The following GSDME variants were observed in gnomAD, a reference collection of about 807,000 sequenced individuals.
The protein encoded by GSDME is gasdermin E.
Under a neutral mutation model 47.5 loss-of-function variants are expected in GSDME, and 44 were observed. The ratio of observed to expected loss-of-function variants is 0.93; its 90% CI spans 0.73 to 1.19. GSDME has a LOEUF of 1.19. Among genes scored for constraint, GSDME ranks in the 50% most tolerant of loss-of-function variants. GSDME has a pLI of 0.00. For missense variants in GSDME, 663 were observed against 604.2 expected (o/e 1.10, Z -1.02); for synonymous variants, 258 against 252.8 (o/e 1.02, Z -0.20).
chr7:24,710,106 C>A, intron 6 of GSDME, 118 bp downstream of exon 6: 3 of 1,168,622 alleles, frequency 2.6e-6, no homozygotes, highest in Non-Finnish European at 3.8e-6. Flanking sequence ...CACCTCTCTT[C>A]TCATATGTTT....
At chr7:24,789,661 C>T in the GSDME span, among the ~76,000 whole-genome samples, 2 of 152,222 alleles carry the variant, frequency 1.3e-5, no homozygotes, top group African/African-American at 2.4e-5. Context: ...CTGTGGATTT[C>T]ATTTCTGCCT....
At chr7:24,701,022 G>A (rs1032024221) in intron 9 of GSDME, among the ~76,000 whole-genome samples, 3 of 152,192 alleles carry the variant, frequency 2.0e-5, no homozygotes, top group African/African-American at 4.8e-5. Context: ...CCTTTCACCA[G>A]TTCTTGGAAA....
chr7:24,746,210 G>A (rs1477786179), intron 2 of GSDME, among the ~76,000 whole-genome samples: 2 of 152,178 alleles, frequency 1.3e-5, no homozygotes, highest in Non-Finnish European at 2.9e-5. Context: ...AATAAGAATG[G>A]TGTAAAAATT....
intron 9 of GSDME, among the ~76,000 whole-genome samples, chr7:24,701,252 C>T (rs1391445264): frequency 6.6e-6 from 1 of 152,194 alleles, no homozygotes; most frequent in Admixed American, 6.5e-5. Context: ...TGTGAAGATA[C>T]CCAGGAAGGT....
rs754007332 is a variant in GSDME at position 24,714,239 on chromosome 7, G to T, written c.697+3015C>A. On this transcript the variant is annotated intron_variant, in intron 5 of 9. Coordinates refer to ENST00000645220, the MANE Select transcript of GSDME (RefSeq NM_001127453.2). The surrounding 1 kb of genome is among the most constrained non-coding windows in gnomAD (Gnocchi z 5.0). Reference sequence around the variant, plus strand: ...TGGCATGGCTGAAGCACCTGGCCGGGATACAGATGGAGTCTGCCTCCCTTC... The same window carrying T: ...TGGCATGGCTGAAGCACCTGGCCGGTATACAGATGGAGTCTGCCTCCCTTC... Among the ~76,000 whole-genome samples, 39 of 152,192 alleles carry T rather than the reference G, an allele frequency of 2.6e-4. No homozygotes were observed. The highest frequency in any genetic ancestry group is 5.1e-4 in the Non-Finnish European group (35 of 68,044).
chr7:24,772,522 C>A, the GSDME span, among the ~76,000 whole-genome samples: 37 of 152,330 alleles, frequency 2.4e-4, no homozygotes, highest in African/African-American at 8.7e-4. This position sits in a 1 kb window ranked among gnomAD's most constrained non-coding sequence, Gnocchi z 4.5. Flanking sequence ...AGAGTCGGCA[C>A]TCCACAGATA....
At chr7:24,771,288 C>G in the GSDME span, among the ~76,000 whole-genome samples, 547 of 152,280 alleles carry the variant, frequency 3.6e-3, 1 homozygote, top group African/African-American at 0.013. This position sits in a 1 kb window ranked among gnomAD's most constrained non-coding sequence, Gnocchi z 4.1. Flanking sequence ...ACCTTTCAGT[C>G]AGATTATTAT....
At chr7:24,708,033 G>A in intron 7 of GSDME, 94 bp downstream of exon 7, 1 of 1,502,418 alleles carries the variant, frequency 6.7e-7, no homozygotes, top group Non-Finnish European at 9.2e-7. Flanking sequence ...GAGAAAAGGA[G>A]GCGGGGGAAC....
chr7:24,758,922 G>A (rs1051749344), upstream of GSDME, among the ~76,000 whole-genome samples: 24 of 152,164 alleles, frequency 1.6e-4, no homozygotes, highest in Admixed American at 1.2e-3. This position sits in a 1 kb window ranked among gnomAD's most constrained non-coding sequence, Gnocchi z 4.6. Flanking sequence ...TTGACACATG[G>A]TAGCTATCCA....
intron 4 of GSDME, among the ~76,000 whole-genome samples, chr7:24,718,098 C>G (rs1295620278): frequency 1.3e-5 from 2 of 152,244 alleles, no homozygotes; most frequent in African/African-American, 4.8e-5. Flanking sequence ...GGCTTCAACA[C>G]TTTGGCAGGA....
At chr7:24,715,503 C>T (rs780863334) in intron 5 of GSDME, 24 of 470,626 alleles carry the variant, frequency 5.1e-5, no homozygotes, top group South Asian at 2.6e-4. Flanking sequence ...CAGTAAGCTG[C>T]GGGGGAGTGA....
Position 24,749,729 on chromosome 7 carries a change from C to G in GSDME, c.46G>C (p.Asp16His). The G allele has an allele frequency of 6.2e-7, 1 of 1,614,194 alleles. No individual in the cohort carries two copies. Among genetic ancestry groups the G allele is most frequent in the Non-Finnish European group, 8.5e-7 (1 of 1,180,018 alleles). ...TRNFLREVDA[D>H]GDLIAVSNLN... Reference sequence around the variant, plus strand: ...TTTGATACTGCAATCAGGTCACCATCAGCATCAACTTCTCTAAGAAAATTC... The same window carrying G: ...TTTGATACTGCAATCAGGTCACCATGAGCATCAACTTCTCTAAGAAAATTC... Residue 16 changes from aspartate (D) to histidine (H), a missense_variant, in exon 2 of 10, where the codon GAT becomes CAT. Coordinates refer to ENST00000645220, the MANE Select transcript of GSDME (RefSeq NM_001127453.2).
intron 9 of GSDME, 155 bp downstream of exon 9, chr7:24,702,604 TG>T: frequency 1.5e-6 from 1 of 655,186 alleles, no homozygotes. Context: ...GGGTGGGATG[TG>T]TATAAAAGTG....
At chr7:24,734,121 A>G (rs924280713) in intron 3 of GSDME, among the ~76,000 whole-genome samples, 4 of 152,208 alleles carry the variant, frequency 2.6e-5, no homozygotes, top group Non-Finnish European at 5.9e-5. Context: ...GGAAGAGAAC[A>G]AGAGTCTCTG....
Position 24,724,229 on chromosome 7 carries a change from T to A in GSDME, c.405-5011A>T, listed in dbSNP as rs147205487. ...GCCTTCTGGACAGACTGTAAGCTCCTGGAGGACAAAGTACTTGCTCTTTTT... is the reference window on the plus strand; with the variant it reads ...GCCTTCTGGACAGACTGTAAGCTCCAGGAGGACAAAGTACTTGCTCTTTTT... On this transcript the variant is annotated intron_variant, in intron 3 of 9. Transcript: ENST00000645220. The surrounding 1 kb of genome is among the most constrained non-coding windows in gnomAD (Gnocchi z 4.8). Among the ~76,000 whole-genome samples, 14 of 151,992 alleles carry A rather than the reference T, an allele frequency of 9.2e-5. No homozygotes were observed. The East Asian group carries it at 2.7e-3, about 29-fold the overall frequency.
intron 9 of GSDME, among the ~76,000 whole-genome samples, chr7:24,700,139 A>G (rs1029398120): frequency 1.3e-5 from 2 of 152,100 alleles, no homozygotes; most frequent in Admixed American, 6.6e-5. Context: ...TAAACTTACT[A>G]TATCTGAAGT....
chr7:24,717,143 T>G (rs1789591938), intron 5 of GSDME, 111 bp downstream of exon 5: 13 of 1,261,598 alleles, frequency 1.0e-5, no homozygotes, highest in Non-Finnish European at 1.4e-5. Context: ...CCTCTTTCCC[T>G]CTCTTCCCAC....
In GSDME at chr7:24,705,699, C is replaced by T; in HGVS notation, c.1183+485G>A. 4.1e-6 allele frequency: 1 copy of T among 244,872 alleles called. No individual in the cohort carries two copies. The highest frequency in any genetic ancestry group is 8.1e-6 in the Non-Finnish European group (1 of 124,200). The allele number at this position is 244,872 out of a possible 1,614,324, so 15.2% of individuals were successfully genotyped here. On this transcript the variant is annotated intron_variant, in intron 8 of 9. Coordinates refer to ENST00000645220, the MANE Select transcript of GSDME (RefSeq NM_001127453.2). This position sits in a 1 kb window ranked among gnomAD's most constrained non-coding sequence, Gnocchi z 4.1. ...CTGGGCCCAGCCACAGCTCTGCCTC[C>T]CAGCCTAGTACATTGGATGGTTGAA...
At chr7:24,787,144 C>A in the GSDME span, among the ~76,000 whole-genome samples, 1 of 152,160 alleles carries the variant, frequency 6.6e-6, no homozygotes, top group African/African-American at 2.4e-5. The surrounding 1 kb of genome is among the most constrained non-coding windows in gnomAD (Gnocchi z 5.0). Flanking sequence ...TGTGACACAT[C>A]AAAAATTTCA....
Sources: gnomAD v4.1 joint callset for allele counts (sites outside exome capture counted in the v4.1 genomes callset) on GRCh38, gnomAD v4.1.1 for gene constraint, Gnocchi (gnomAD v3.1) non-coding constraint, MANE v1.5 for transcripts, NCBI Gene and HGNC (gene_info 2026-07-23, HGNC 2026-07-21) for gene names.